Variants in CUL1 observed in about 807,000 individuals in gnomAD.
The protein encoded by CUL1 is cullin 1.
A neutral mutation model predicts 118.0 loss-of-function variants in CUL1; 24 were observed. That is an observed-to-expected ratio of 0.20 (90% confidence interval 0.15 to 0.29). CUL1 has a LOEUF of 0.29. Among genes scored for constraint, CUL1 ranks in the 10% least tolerant of loss-of-function variants. CUL1 has a pLI of 1.00. For synonymous variants in CUL1, 332 were observed against 340.4 expected (o/e 0.98, Z 0.27); for missense variants, 361 against 933.8 (o/e 0.39, Z 7.99).
chr7:148,778,851 C>T (rs1800514570), intron 9 of CUL1, among the ~76,000 whole-genome samples: 1 of 152,200 alleles, frequency 6.6e-6, no homozygotes, highest in Non-Finnish European at 1.5e-5. Flanking sequence ...GTCCCCTCAG[C>T]CTGGAGAGCA....
chr7:148,795,679 A>G (rs1801170410), intron 17 of CUL1, among the ~76,000 whole-genome samples: 2 of 151,228 alleles, frequency 1.3e-5, no homozygotes, highest in Non-Finnish European at 2.9e-5. Context: ...CTGAGGCGAG[A>G]GAATGGTGTG....
At chr7:148,702,933 T>C (rs1387450810) in intron 1 of CUL1, among the ~76,000 whole-genome samples, 3 of 152,210 alleles carry the variant, frequency 2.0e-5, no homozygotes, top group Admixed American at 6.5e-5. Flanking sequence ...ATCCTTCCAC[T>C]GGAAATCTTT....
intron 1 of CUL1, among the ~76,000 whole-genome samples, chr7:148,714,489 C>T (rs1798148810): frequency 6.6e-6 from 1 of 152,176 alleles, no homozygotes; most frequent in South Asian, 2.1e-4. Flanking sequence ...ATCTCCCCAT[C>T]CCCCTCCTTG....
At chr7:148,776,644 C>A (rs950752516) in intron 9 of CUL1, among the ~76,000 whole-genome samples, 1 of 152,066 alleles carries the variant, frequency 6.6e-6, no homozygotes, top group Non-Finnish European at 1.5e-5. Flanking sequence ...ATCCAACATA[C>A]ACCCTTCTTT....
At chr7:148,792,288 T>C (rs551878171) in intron 16 of CUL1, among the ~76,000 whole-genome samples, 1 of 152,344 alleles carries the variant, frequency 6.6e-6, no homozygotes, top group African/African-American at 2.4e-5. Flanking sequence ...AAACCAAATA[T>C]AATTTGATAT....
At chr7:148,735,857 A>G (rs1438865440) in intron 2 of CUL1, among the ~76,000 whole-genome samples, 2 of 152,218 alleles carry the variant, frequency 1.3e-5, no homozygotes, top group Non-Finnish European at 2.9e-5. Flanking sequence ...AAGCATATGG[A>G]AAAATGTTCA....
At chr7:148,707,627 C>G (rs1490157657) in intron 1 of CUL1, among the ~76,000 whole-genome samples, 1 of 152,062 alleles carries the variant, frequency 6.6e-6, no homozygotes, top group Non-Finnish European at 1.5e-5. Flanking sequence ...TAGCTGTTTT[C>G]CCTGGTGTTG....
chr7:148,730,692 T>G (rs1584774148), intron 2 of CUL1, among the ~76,000 whole-genome samples: 1 of 152,260 alleles, frequency 6.6e-6, no homozygotes, highest in Non-Finnish European at 1.5e-5. Context: ...TAAGTAGTTG[T>G]GTCAGAAACA....
chr7:148,723,552 GTAAA>G (rs1262504820), intron 1 of CUL1, among the ~76,000 whole-genome samples: 1 of 151,970 alleles, frequency 6.6e-6, no homozygotes, highest in Non-Finnish European at 1.5e-5. Context: ...TAAGCAAAAA[GTAAA>G]TACTTATAAG....
intron 1 of CUL1, among the ~76,000 whole-genome samples, chr7:148,719,386 C>T (rs559542048): frequency 1.1e-4 from 17 of 151,932 alleles, no homozygotes; most frequent in Admixed American, 3.9e-4. Flanking sequence ...TTTTTTTATG[C>T]TGCTTGTCAA....
intron 17 of CUL1, 76 bp from the exon 18 acceptor site, chr7:148,797,736 T>G: frequency 2.7e-5 from 27 of 1,015,298 alleles, no homozygotes; most frequent in Non-Finnish European, 3.0e-5. Flanking sequence ...AAATGGACTG[T>G]GAGGTTGCCT....
chr7:148,798,987 A>G (rs1274151473), intron 20 of CUL1, among the ~76,000 whole-genome samples: 2 of 152,242 alleles, frequency 1.3e-5, no homozygotes, highest in East Asian at 3.9e-4. Flanking sequence ...GTGGCCTTGA[A>G]GATTTAATTT....
At chr7:148,742,598 G>GTTTTTTTTTTT (rs59592789) in intron 2 of CUL1, among the ~76,000 whole-genome samples, 2,100 of 111,928 alleles carry the variant, frequency 0.019, 99 homozygotes, top group South Asian at 0.029. Context: ...ACCTTTTCTG[G>GTTTTTTTTTTT]TTTTTTTTTT....
chr7:148,713,067 A>T (rs1196375133), intron 1 of CUL1, among the ~76,000 whole-genome samples: 1 of 152,212 alleles, frequency 6.6e-6, no homozygotes, highest in East Asian at 1.9e-4. Flanking sequence ...TGGTTTCATG[A>T]TCTACACAAT....
chr7:148,772,346 C>T (rs948793193), intron 9 of CUL1, among the ~76,000 whole-genome samples: 20 of 151,102 alleles, frequency 1.3e-4, no homozygotes, highest in African/African-American at 4.4e-4. Flanking sequence ...ACCTGGAAGT[C>T]GGAGGTTGCA....
chr7:148,747,928 A>G (rs1256510443), intron 2 of CUL1, among the ~76,000 whole-genome samples: 2 of 152,238 alleles, frequency 1.3e-5, no homozygotes, highest in African/African-American at 4.8e-5. Context: ...AATATCTCAC[A>G]TAGACGTAAT....
At chr7:148,725,189 G>A (rs573286189) in intron 1 of CUL1, among the ~76,000 whole-genome samples, 1 of 135,686 alleles carries the variant, frequency 7.4e-6, no homozygotes, top group South Asian at 2.5e-4. Flanking sequence ...CAGCGCACAT[G>A]CGCGCGTGTA....
intron 1 of CUL1, among the ~76,000 whole-genome samples, chr7:148,699,449 A>T (rs1197623101): frequency 6.6e-6 from 1 of 151,402 alleles, no homozygotes; most frequent in East Asian, 2.0e-4. Context: ...TGGTGAGGCG[A>T]CCTCCGCGGG....
intron 9 of CUL1, among the ~76,000 whole-genome samples, chr7:148,773,220 A>G (rs1375671677): frequency 1.3e-5 from 2 of 152,070 alleles, no homozygotes; most frequent in African/African-American, 2.4e-5. Context: ...CACTAAATCA[A>G]AATCCTCTAA....
Sources: allele counts gnomAD v4.1 joint callset (sites outside exome capture counted in the v4.1 genomes callset), GRCh38; gene constraint gnomAD v4.1.1; transcripts MANE v1.5; gene names NCBI Gene and HGNC (gene_info 2026-07-23, HGNC 2026-07-21).